Variants in TJP1 observed in about 807,000 individuals in gnomAD.
TJP1 encodes the protein tight junction protein ZO-1.
In TJP1, 43 loss-of-function variants were observed where a neutral mutation model predicts 194.2. That is an observed-to-expected ratio of 0.22 (90% confidence interval 0.17 to 0.29). The LOEUF (loss-of-function observed/expected upper bound fraction) is 0.29. TJP1 is among the 10% of genes least tolerant of loss of function. The pLI, the probability that TJP1 is intolerant of heterozygous loss-of-function variation, is 1.00. For synonymous variants in TJP1, 801 were observed against 779.0 expected, an observed-to-expected ratio of 1.03 and a Z score of -0.47; for missense variants, 1,971 against 2,185.7, an observed-to-expected ratio of 0.90 and a Z score of 1.96.
At position 29,701,393 on chromosome 15, in the gene TJP1, C is replaced by T. The variant is rs45443392; in HGVS notation, c.*202G>A. The T allele has an allele frequency of 0.019, 8,595 of 455,326 alleles. 121 individuals are homozygous for T. The highest frequency in any genetic ancestry group is 0.047 in the South Asian group (796 of 16,882). The allele number at this position is 455,326 out of a possible 1,614,324, so 28.2% of individuals were successfully genotyped here. ...CTCTAGCCAATACCAACAGTCCCGT[C>T]AATCACAAACATGCAGTGTGTAGCA... is the stretch of plus-strand genomic sequence containing the variant. On this transcript the variant is annotated 3_prime_UTR_variant, in exon 28 of 28. Transcript: ENST00000614355.
intron 2 of TJP1, among the ~76,000 whole-genome samples, chr15:29,925,508 T>C (rs1289289197): frequency 6.6e-6 from 1 of 152,222 alleles, no homozygotes; most frequent in East Asian, 1.9e-4. Flanking sequence ...AGTACTTCCA[T>C]ACCTGAGTTT....
At chr15:29,803,022 A>G (rs777739555) in intron 1 of TJP1, among the ~76,000 whole-genome samples, 24 of 152,164 alleles carry the variant, frequency 1.6e-4, no homozygotes, top group Non-Finnish European at 2.9e-4. Context: ...GCAGGTTGTA[A>G]AACAGCGTGT....
rs1271113730 is a variant in TJP1 at position 29,761,773 on chromosome 15, C to T, written c.694-4G>A. Reference sequence around the variant, plus strand: ...TTTCTGTCACAGTACCATTTATCTGCAACAGAAAATAAATTACAGCTTGAA... The same window carrying T: ...TTTCTGTCACAGTACCATTTATCTGTAACAGAAAATAAATTACAGCTTGAA... On this transcript the variant is annotated splice_polypyrimidine_tract_variant and splice_region_variant and intron_variant, in intron 6 of 27. Coordinates refer to ENST00000614355, the MANE Select transcript of TJP1 (RefSeq NM_001330239.4). 1 of 1,524,346 alleles carries T rather than the reference C, an allele frequency of 6.6e-7. No homozygotes were observed. Among genetic ancestry groups the T allele is most frequent in the Non-Finnish European group, 8.9e-7 (1 of 1,123,632 alleles). 94.4% of individuals were successfully genotyped at this position (1,524,346 alleles called of 1,614,324 possible).
intron 8 of TJP1, among the ~76,000 whole-genome samples, chr15:29,756,819 G>C (rs1566964218): frequency 6.6e-6 from 1 of 152,188 alleles, no homozygotes; most frequent in African/African-American, 2.4e-5. Flanking sequence ...CCCAATCCCA[G>C]GTCAACAACA....
intron 2 of TJP1, among the ~76,000 whole-genome samples, chr15:29,898,700 G>T (rs2053550466): frequency 6.6e-6 from 1 of 152,200 alleles, no homozygotes. Flanking sequence ...ATGTTCATCA[G>T]AGCATTTTGG....
At position 29,811,223 on chromosome 15, in the gene TJP1, T is replaced by C. The variant is rs556585159; in HGVS notation, c.28-10521A>G. On this transcript the variant is annotated intron_variant, in intron 1 of 27. Transcript: ENST00000614355. ...TTACTGACCATATTAAGGATTTTGA[T>C]CTTTTACTCTAAAGGTAGTTAAGCA... is the stretch of plus-strand genomic sequence containing the variant. 2.0e-4 allele frequency among the ~76,000 whole-genome samples: 31 copies of C among 152,184 alleles called. 1 individual carries two copies. The highest frequency in any genetic ancestry group is 8.3e-4 in the South Asian group (4 of 4,824).
chr15:29,952,292 T>C (rs2055778004), intron 2 of TJP1, among the ~76,000 whole-genome samples: 1 of 152,196 alleles, frequency 6.6e-6, no homozygotes, highest in Admixed American at 6.5e-5. Flanking sequence ...TTACCAAGCA[T>C]CTCTGGGACA....
At chr15:29,941,281 T>C (rs1001946022) in intron 2 of TJP1, among the ~76,000 whole-genome samples, 1 of 152,172 alleles carries the variant, frequency 6.6e-6, no homozygotes, top group African/African-American at 2.4e-5. Context: ...ACCCAGGAGT[T>C]TCCTTTGCTG....
intron 15 of TJP1, 126 bp from the exon 16 acceptor site, chr15:29,728,145 G>T: frequency 2.9e-6 from 2 of 678,864 alleles, no homozygotes; most frequent in Non-Finnish European, 5.2e-6. Flanking sequence ...ACTGTCTTAT[G>T]CATGCAGTAC....
intron 8 of TJP1, among the ~76,000 whole-genome samples, chr15:29,744,830 A>G (rs1293759670): frequency 6.6e-6 from 1 of 152,194 alleles, no homozygotes; most frequent in Non-Finnish European, 1.5e-5. Flanking sequence ...AACCTTTAAC[A>G]TCCAAATCTT....
chr15:29,965,456 C>G (rs371865369), intron 1 of TJP1, among the ~76,000 whole-genome samples: 1 of 152,128 alleles, frequency 6.6e-6, no homozygotes, highest in South Asian at 2.1e-4. Context: ...AAGTGGTCCA[C>G]CCATCTTGGT....
At chr15:29,749,873 C>T (rs141107417) in intron 8 of TJP1, among the ~76,000 whole-genome samples, 1,573 of 152,256 alleles carry the variant, frequency 0.01, 20 homozygotes, top group Admixed American at 0.016. Context: ...GACGGAGTCA[C>T]GCTCTGTCAC....
chr15:29,937,688 A>G (rs1301888899), intron 2 of TJP1, among the ~76,000 whole-genome samples: 2 of 152,180 alleles, frequency 1.3e-5, no homozygotes, highest in Non-Finnish European at 2.9e-5. Flanking sequence ...ACTTCACACA[A>G]TCCTCATTTG....
intron 2 of TJP1, among the ~76,000 whole-genome samples, chr15:29,851,520 C>T (rs1332770220): frequency 6.6e-6 from 1 of 152,052 alleles, no homozygotes; most frequent in African/African-American, 2.4e-5. Context: ...GATGGTTTCA[C>T]TAGAGAATTC....
At chr15:29,733,406 A>G (rs975172459) in intron 12 of TJP1, 93 bp from the exon 13 acceptor site, 1 of 860,242 alleles carries the variant, frequency 1.2e-6, no homozygotes, top group Non-Finnish European at 1.8e-6. Flanking sequence ...GATAATATCA[A>G]TAATAATATC....
chr15:29,938,396 A>C (rs1596291651), intron 2 of TJP1, among the ~76,000 whole-genome samples: 1 of 150,558 alleles, frequency 6.6e-6, no homozygotes, highest in East Asian at 2.0e-4. Context: ...ATGTTATATT[A>C]AACATGAAAA....
intron 5 of TJP1, among the ~76,000 whole-genome samples, chr15:29,762,743 A>C (rs1342929062): frequency 6.6e-6 from 1 of 152,176 alleles, no homozygotes; most frequent in South Asian, 2.1e-4. Flanking sequence ...GCATTGATAC[A>C]CTAGCTCTTC....
At chr15:29,823,036 T>C (rs1313097262), upstream of TJP1, 1 of 152,656 alleles carries the variant, frequency 6.6e-6, no homozygotes, top group East Asian at 1.9e-4. Context: ...AAACTGGTGA[T>C]GAGGTCATGG....
At chr15:29,804,483 CTG>C (rs1186605027) in intron 1 of TJP1, among the ~76,000 whole-genome samples, 1 of 152,074 alleles carries the variant, frequency 6.6e-6, no homozygotes, top group East Asian at 1.9e-4. Flanking sequence ...TCACTAATGA[CTG>C]AGAATTTTGA....
Sources: allele counts gnomAD v4.1 joint callset (sites outside exome capture counted in the v4.1 genomes callset), GRCh38; gene constraint gnomAD v4.1.1; transcripts MANE v1.5; gene names NCBI Gene and HGNC (gene_info 2026-07-23, HGNC 2026-07-21).